Variants in FAM83A observed in about 807,000 individuals in gnomAD.
The protein encoded by FAM83A is protein FAM83A.
A neutral mutation model predicts 24.4 loss-of-function variants in FAM83A; 21 were observed. The ratio of observed to expected loss-of-function variants is 0.86; its 90% confidence interval spans 0.61 to 1.24. FAM83A has a LOEUF of 1.24. FAM83A is among the 50% of genes most tolerant of loss of function. The pLI is 0.00. For missense variants in FAM83A, 617 were observed against 579.8 expected (o/e 1.06, Z -0.66); for synonymous variants, 270 against 252.4 (o/e 1.07, Z -0.66).
chr8:123,209,485 A>T lies in FAM83A; in HGVS notation c.*1797A>T. The T allele has an allele frequency of 1.2e-6, 2 of 1,614,210 alleles. No individual in the cohort carries two copies. The highest frequency in any genetic ancestry group is 1.7e-6 in the Non-Finnish European group (2 of 1,180,042). On this transcript the variant is annotated 3_prime_UTR_variant, in exon 4 of 4. Transcript: ENST00000690554. This position sits in a 1 kb window ranked among gnomAD's most constrained non-coding sequence, Gnocchi z 4.7. The stretch of plus-strand genomic sequence containing the variant: ...AAAACAAACAACACTTTGGTTCCTG[A>T]TGGCTTTCTGAACCCAGCCCTGACC...
At chr8:123,200,922 G>C (rs577915382) in intron 3 of FAM83A, among the ~76,000 whole-genome samples, 47 of 150,550 alleles carry the variant, frequency 3.1e-4, no homozygotes, top group Middle Eastern at 7.0e-3. Flanking sequence ...CTCTAGCCTA[G>C]GTGACAGAGC....
At chr8:123,205,824 T>C (rs1824532534) in intron 3 of FAM83A, among the ~76,000 whole-genome samples, 1 of 151,904 alleles carries the variant, frequency 6.6e-6, no homozygotes, top group Non-Finnish European at 1.5e-5. Flanking sequence ...GAGTTTTCCA[T>C]CGGAAACAGA....
exon 4 of FAM83A, chr8:123,207,752 C>T (rs1824613753): frequency 1.4e-6 from 2 of 1,412,754 alleles, no homozygotes; most frequent in Admixed American, 6.1e-5. Context: ...CCCAAAGACC[C>T]ACCTCAACGA....
intron 3 of FAM83A, among the ~76,000 whole-genome samples, chr8:123,206,098 G>A (rs976353354): frequency 6.7e-6 from 1 of 149,382 alleles, no homozygotes; most frequent in African/African-American, 2.5e-5. Context: ...GGACGAGATC[G>A]CACCATTGCA....
intron 3 of FAM83A, among the ~76,000 whole-genome samples, chr8:123,206,577 G>A (rs995363303): frequency 1.3e-5 from 2 of 152,302 alleles, no homozygotes; most frequent in Admixed American, 6.5e-5. Flanking sequence ...GACTCTGGGG[G>A]CCTGAGACTC....
Position 123,209,280 on chromosome 8 carries a change from C to CCCTAG in FAM83A, c.*1593_*1597dup. On this transcript the variant is annotated 3_prime_UTR_variant, in exon 4 of 4. Transcript: ENST00000690554. The surrounding 1 kb of genome is among the most constrained non-coding windows in gnomAD (Gnocchi z 4.7). Reference sequence around the variant, plus strand: ...GACCCCTGACGGCCTGTGGCATCCTCCCTAGTCCCCTCTGCCCATCCATCC... The same window carrying CCCTAG: ...GACCCCTGACGGCCTGTGGCATCCTCCCTAGCCTAGTCCCCTCTGCCCATCCATCC... The CCCTAG allele has an allele frequency of 7.4e-7, 1 of 1,347,454 alleles. No individual in the cohort carries two copies. The highest frequency in any genetic ancestry group is 2.1e-5 in the South Asian group (1 of 47,616). The allele number at this position is 1,347,454 out of a possible 1,614,324, so 83.5% of individuals were successfully genotyped here.
intron 2 of FAM83A, 120 bp from the exon 3 acceptor site, chr8:123,193,904 C>A (rs1824057799): frequency 6.3e-6 from 8 of 1,276,684 alleles, no homozygotes; most frequent in Non-Finnish European, 8.6e-6. Flanking sequence ...GTACCGTCAC[C>A]CTGGGGATTA....
chr8:123,193,778 C>T (rs1824054591), intron 2 of FAM83A, among the ~76,000 whole-genome samples: 1 of 152,170 alleles, frequency 6.6e-6, no homozygotes, highest in African/African-American at 2.4e-5. Flanking sequence ...CTTGCTGTGT[C>T]CTCACATGGC....
At chr8:123,193,896 A>C in intron 2 of FAM83A, 128 bp from the exon 3 acceptor site, 2 of 1,183,778 alleles carry the variant, frequency 1.7e-6, no homozygotes, top group Non-Finnish European at 2.4e-6. Context: ...ACCTTCTAGT[A>C]CCGTCACCCT....
Position 123,209,727 on chromosome 8 carries a change from C to G in FAM83A, c.*2039C>G. ...GGAGAACCTGCAGGCAGGAACAAGC[C>G]CCCCTACTCCTGACCACCCTCCATC... On this transcript the variant is annotated 3_prime_UTR_variant, in exon 4 of 4. Coordinates refer to ENST00000690554, the Ensembl canonical transcript of FAM83A. This position sits in a 1 kb window ranked among gnomAD's most constrained non-coding sequence, Gnocchi z 4.7. The G allele has an allele frequency of 1.5e-6, 1 of 653,796 alleles. No individual in the cohort carries two copies. Among genetic ancestry groups the G allele is most frequent in the Non-Finnish European group, 2.6e-6 (1 of 385,268 alleles). 40.5% of individuals were successfully genotyped at this position (653,796 alleles called of 1,614,324 possible). A position where few individuals can be genotyped will look rare whatever the true frequency, so the allele number is the denominator to read the frequency against.
intron 3 of FAM83A, among the ~76,000 whole-genome samples, chr8:123,205,342 A>C (rs1824510659): frequency 6.6e-6 from 1 of 152,186 alleles, no homozygotes; most frequent in African/African-American, 2.4e-5. Flanking sequence ...ACAGAGGGCG[A>C]CTGGCTTCTG....
chr8:123,209,559 C>A lies in FAM83A; in HGVS notation c.*1871C>A. 6.2e-7 allele frequency: 1 copy of A among 1,613,616 alleles called. No individual in the cohort carries two copies. The highest frequency in any genetic ancestry group is 8.5e-7 in the Non-Finnish European group (1 of 1,179,620). ...GAGATGAGGTTAGAATGACTGGGCC[C>A]GGCTGAACATTCCAAATTGGATTTC... On this transcript the variant is annotated 3_prime_UTR_variant, in exon 4 of 4. Coordinates refer to ENST00000690554, the Ensembl canonical transcript of FAM83A. The surrounding 1 kb of genome is among the most constrained non-coding windows in gnomAD (Gnocchi z 4.7).
chr8:123,197,745 C>G (rs897574944), intron 3 of FAM83A, among the ~76,000 whole-genome samples: 3 of 152,138 alleles, frequency 2.0e-5, no homozygotes, highest in African/African-American at 7.2e-5. Context: ...TGAGGATTCC[C>G]GAAGAAATCA....
intron 3 of FAM83A, among the ~76,000 whole-genome samples, chr8:123,199,141 A>G (rs534758260): frequency 7.9e-5 from 12 of 152,174 alleles, no homozygotes; most frequent in Non-Finnish European, 1.6e-4. Context: ...TTGTATTAGA[A>G]TTGTTGTAAA....
chr8:123,205,026 TG>T (rs1389537430), intron 3 of FAM83A, among the ~76,000 whole-genome samples: 1 of 150,912 alleles, frequency 6.6e-6, no homozygotes, highest in Non-Finnish European at 1.5e-5. Flanking sequence ...GGCAGAGAAT[TG>T]CTTTAACCCA....
intron 3 of FAM83A, among the ~76,000 whole-genome samples, chr8:123,205,683 C>G (rs532445935): frequency 5.0e-4 from 76 of 152,060 alleles, no homozygotes; most frequent in African/African-American, 1.7e-3. Flanking sequence ...GACCATTCCC[C>G]CGACCATCCT....
chr8:123,198,443 T>C lies in FAM83A; in HGVS notation c.773+4295T>C, dbSNP rs79720145. On this transcript the variant is annotated intron_variant, in intron 3 of 3. Coordinates refer to ENST00000690554, the Ensembl canonical transcript of FAM83A. ...TATCTGTGTGCATGATGAAAACTGA[T>C]GAAGGAGCTTAAGCGACCGGGAGGG... Among the ~76,000 whole-genome samples, 1,231 of 152,248 alleles carry C rather than the reference T, an allele frequency of 8.1e-3. 22 individuals are homozygous for C. Among genetic ancestry groups the C allele is most frequent in the African/African-American group, 0.028 (1,168 of 41,548 alleles).
chr8:123,207,566 G>C lies in FAM83A; in HGVS notation c.1183G>C (p.Ala395Pro), dbSNP rs760717053. The C allele has an allele frequency of 1.9e-6, 3 of 1,565,526 alleles. 1 individual carries two copies. In the East Asian group the frequency reaches 7.0e-5, roughly 37 times the overall value. ...CCCGCGGCCCCACGACGGCCCGCCC[G>C]CCGCTGTCTACAGCAACCTGGGGGC... is the stretch of plus-strand genomic sequence containing the variant. The change falls in exon 4 of 4, where the codon GCC (alanine) becomes CCC (proline). Residue 395 changes from alanine to proline, a missense_variant. Ala to Pro is a conservative substitution (Grantham distance 27). Coordinates refer to ENST00000690554, the Ensembl canonical transcript of FAM83A.
intron 3 of FAM83A, among the ~76,000 whole-genome samples, chr8:123,197,260 G>A (rs1586783922): frequency 6.6e-6 from 1 of 152,304 alleles, no homozygotes; most frequent in East Asian, 1.9e-4. Flanking sequence ...GGAGAACAAG[G>A]CTATGGGAAA....
Sources: gnomAD v4.1 joint callset for allele counts (sites outside exome capture counted in the v4.1 genomes callset) on GRCh38, gnomAD v4.1.1 for gene constraint, Gnocchi (gnomAD v3.1) non-coding constraint, MANE v1.5 for transcripts, NCBI Gene and HGNC (gene_info 2026-07-23, HGNC 2026-07-21) for gene names.